Variants in GPAT3 observed in about 807,000 individuals in gnomAD.
GPAT3 encodes glycerol-3-phosphate acyltransferase 3.
Under a neutral mutation model 58.8 loss-of-function variants are expected in GPAT3, and 53 were observed. That is an observed-to-expected ratio of 0.90 (90% CI 0.72 to 1.13). The LOEUF is 1.13. Ranked by LOEUF, GPAT3 falls within the 50% of genes most tolerant of loss-of-function variation. The pLI is 0.00. For missense variants in GPAT3, 511 were observed against 527.6 expected, an observed-to-expected ratio of 0.97 and a Z score of 0.31; for synonymous variants, 197 against 187.4, an observed-to-expected ratio of 1.05 and a Z score of -0.42.
At chr4:83,558,394 A>C (rs916407607) in intron 2 of GPAT3, among the ~76,000 whole-genome samples, 5 of 152,190 alleles carry the variant, frequency 3.3e-5, no homozygotes, top group Non-Finnish European at 1.5e-5. Context: ...CAACCAGTGA[A>C]AAACAAGGCA....
intron 9 of GPAT3, 39 bp from the exon 10 acceptor site, chr4:83,598,012 C>G (rs1245379551): frequency 1.2e-6 from 2 of 1,609,658 alleles, no homozygotes; most frequent in Non-Finnish European, 1.7e-6. Flanking sequence ...GAGAAACCAC[C>G]CTTATTTCAT....
chr4:83,563,362 T>G (rs969339645), intron 2 of GPAT3, among the ~76,000 whole-genome samples: 3 of 152,246 alleles, frequency 2.0e-5, no homozygotes, highest in African/African-American at 7.2e-5. Flanking sequence ...CTCCTGTTAC[T>G]GACTACCTCT....
At chr4:83,566,044 C>CGAGCAACCT (rs1014716260) in intron 2 of GPAT3, among the ~76,000 whole-genome samples, 9 of 152,128 alleles carry the variant, frequency 5.9e-5, no homozygotes, top group African/African-American at 2.2e-4. Flanking sequence ...GTTATTTCCC[C>CGAGCAACCT]GAGCAACCTG....
At chr4:83,562,195 A>AT (rs1560610900) in intron 2 of GPAT3, among the ~76,000 whole-genome samples, 15 of 44,506 alleles carry the variant, frequency 3.4e-4, no homozygotes, top group African/African-American at 1.7e-3. Flanking sequence ...ATATATATAT[A>AT]TATAATATAT....
At chr4:83,554,399 C>T (rs1310352487) in intron 2 of GPAT3, among the ~76,000 whole-genome samples, 2 of 152,218 alleles carry the variant, frequency 1.3e-5, no homozygotes, top group East Asian at 3.9e-4. Flanking sequence ...GGCTCCCCAC[C>T]CTCTGCATAT....
rs892129059 is a variant in GPAT3, at chr4:83,549,681, G to A, written c.208+5079G>A. ...CTGAGTAGCTGGAATTACAGGGTGT[G>A]CCACCACGCCTGGCTAATTTTTGTA... On this transcript the variant is annotated intron_variant, in intron 2 of 11. Coordinates refer to ENST00000264409, the MANE Select transcript of GPAT3 (RefSeq NM_032717.5). Among the ~76,000 whole-genome samples, 14 of 147,164 alleles carry A rather than the reference G, an allele frequency of 9.5e-5. No homozygotes were observed. In the South Asian group the frequency reaches 1.5e-3, roughly 16 times the overall value.
intron 2 of GPAT3, among the ~76,000 whole-genome samples, chr4:83,544,932 TG>T: frequency 6.6e-6 from 1 of 152,102 alleles, no homozygotes; most frequent in African/African-American, 2.4e-5. Context: ...TGGGAGTTCC[TG>T]GGAGTTAAAA....
chr4:83,594,727 A>G, intron 6 of GPAT3, 118 bp from the exon 7 acceptor site: 1 of 776,450 alleles, frequency 1.3e-6, no homozygotes, highest in Non-Finnish European at 2.1e-6. Flanking sequence ...TAAGAACTTC[A>G]GTCAGTAGAA....
chr4:83,589,092 C>G (rs1212569460), intron 5 of GPAT3, among the ~76,000 whole-genome samples: 1 of 152,092 alleles, frequency 6.6e-6, no homozygotes, highest in African/African-American at 2.4e-5. Flanking sequence ...TATGATGTTG[C>G]AATTGGACTA....
intron 8 of GPAT3, 105 bp downstream of exon 8, chr4:83,597,018 T>G: frequency 6.1e-6 from 6 of 991,348 alleles, no homozygotes; most frequent in Non-Finnish European, 7.7e-6. Flanking sequence ...CCCAGATCTC[T>G]GCCCTTAGAG....
rs776142661 is a variant in GPAT3, at chr4:83,604,668, G to T, written c.1206G>T (p.Trp402Cys). The change falls in exon 12 of 12, where the codon TGG (tryptophan) becomes TGT (cysteine). Residue 402 changes from tryptophan to cysteine, a missense_variant and splice_region_variant. Physicochemically the swap from Trp to Cys is radical, Grantham distance 215 (BLOSUM62 -2). Transcript: ENST00000264409. ...TATGTATTTGTCTTTCTGTTTGCAGGGATGGAGGACTAAAGAGAGCAAAGG... is the reference window on the plus strand; with the variant it reads ...TATGTATTTGTCTTTCTGTTTGCAGTGATGGAGGACTAAAGAGAGCAAAGG... ...AIQGGLTELPWDGGLKRAKVK... is the reference protein window; with the variant it reads ...AIQGGLTELPCDGGLKRAKVK... The T allele has an allele frequency of 8.7e-6, 14 of 1,612,016 alleles. No individual in the cohort carries two copies. In the Admixed American group the frequency reaches 1.5e-4, roughly 17 times the overall value.
intron 2 of GPAT3, among the ~76,000 whole-genome samples, chr4:83,562,218 T>TA (rs1725187973): frequency 5.1e-5 from 4 of 78,394 alleles, no homozygotes; most frequent in African/African-American, 2.8e-4. Context: ...ATATTATATA[T>TA]ATATATAATA....
At chr4:83,586,119 A>C (rs11723311) in intron 3 of GPAT3, among the ~76,000 whole-genome samples, 32,250 of 152,122 alleles carry the variant, frequency 0.21, 3,731 homozygotes, top group East Asian at 0.32. Context: ...GGGATGATTA[A>C]ATGTGTTAAA....
At chr4:83,546,045 C>T (rs111567637) in intron 2 of GPAT3, among the ~76,000 whole-genome samples, 11 of 152,208 alleles carry the variant, frequency 7.2e-5, no homozygotes, top group African/African-American at 2.6e-4. Context: ...AGTGCGGTGG[C>T]GAGATGTCGG....
chr4:83,564,706 G>GAA (rs148521338), intron 2 of GPAT3, among the ~76,000 whole-genome samples: 1 of 149,638 alleles, frequency 6.7e-6, no homozygotes, highest in African/African-American at 2.5e-5. Context: ...CACAAAAAAA[G>GAA]AAAAAAAAAG....
intron 7 of GPAT3, among the ~76,000 whole-genome samples, chr4:83,596,590 C>G (rs1421672542): frequency 1.3e-5 from 2 of 151,926 alleles, no homozygotes; most frequent in African/African-American, 2.4e-5. Flanking sequence ...CCACTGCACT[C>G]CAGCCTGGAT....
intron 9 of GPAT3, 70 bp downstream of exon 9, chr4:83,597,585 G>A: frequency 8.4e-7 from 1 of 1,186,962 alleles, no homozygotes; most frequent in Admixed American, 2.8e-5. Context: ...TATTTTGGTA[G>A]CATTTCAAAC....
chr4:83,598,627 T>G lies in GPAT3; in HGVS notation c.1126-17T>G. On this transcript the variant is annotated splice_polypyrimidine_tract_variant and intron_variant, in intron 10 of 11. Transcript: ENST00000264409. ...ATAACTAAGATATTCTTGCAATTTT[T>G]TTTTTTTTTAAACCAGGAAGGAGAA... 6.2e-7 allele frequency: 1 copy of G among 1,600,588 alleles called. No homozygotes were observed. Among genetic ancestry groups the G allele is most frequent in the African/African-American group, 1.3e-5 (1 of 74,168 alleles).
intron 2 of GPAT3, among the ~76,000 whole-genome samples, chr4:83,572,715 A>G (rs140273087): frequency 6.6e-6 from 1 of 152,338 alleles, no homozygotes; most frequent in Non-Finnish European, 1.5e-5. Flanking sequence ...ATATAACCCT[A>G]ATGCCATTAT....
Sources: gnomAD v4.1 joint callset for allele counts (sites outside exome capture counted in the v4.1 genomes callset) on GRCh38, gnomAD v4.1.1 for gene constraint, MANE v1.5 for transcripts, NCBI Gene and HGNC (gene_info 2026-07-23, HGNC 2026-07-21) for gene names.